The following TGFBR2 variants were observed in gnomAD, a reference collection of about 807,000 sequenced individuals.
TGFBR2 encodes transforming growth factor beta receptor 2, also known as TGF-beta receptor type-2.
In TGFBR2, 18 loss-of-function variants were observed where a neutral mutation model predicts 49.0. The ratio of observed to expected loss-of-function variants is 0.37; its 90% CI spans 0.25 to 0.54. The LOEUF (loss-of-function observed/expected upper bound fraction) is 0.54. TGFBR2 is among the 20% of genes least tolerant of loss of function. TGFBR2 has a pLI of 0.85. For missense variants in TGFBR2, 525 were observed against 722.6 expected (o/e 0.73, Z 3.13); for synonymous variants, 282 against 275.9 (o/e 1.02, Z -0.22).
intron 1 of TGFBR2, among the ~76,000 whole-genome samples, chr3:30,634,916 G>T (rs543759728): frequency 6.6e-6 from 1 of 152,250 alleles, no homozygotes; most frequent in East Asian, 1.9e-4. Flanking sequence ...GCATTTATAT[G>T]GCTTAACTTT....
intron 1 of TGFBR2, among the ~76,000 whole-genome samples, chr3:30,614,936 C>T (rs1698103381): frequency 6.6e-6 from 1 of 152,064 alleles, no homozygotes; most frequent in Non-Finnish European, 1.5e-5. Context: ...TAATAATATC[C>T]AACATTTTTC....
chr3:30,682,105 C>T (rs1051755092), intron 5 of TGFBR2, among the ~76,000 whole-genome samples: 2 of 152,206 alleles, frequency 1.3e-5, no homozygotes, highest in African/African-American at 2.4e-5. Context: ...TCCAGCCCTT[C>T]TGCCTGTTCC....
Position 30,606,883 on chromosome 3 carries a change from C to T in TGFBR2, c.-1C>T. The T allele has an allele frequency of 6.5e-7, 1 of 1,537,814 alleles. No individual in the cohort carries two copies. Among genetic ancestry groups the T allele is most frequent in the Non-Finnish European group, 8.8e-7 (1 of 1,134,266 alleles). ...GTCTATGACGAGCAGCGGGGTCTGC[C>T]ATGGGTCGGGGGCTGCTCAGGGGCC... is the stretch of plus-strand genomic sequence containing the variant. On this transcript the variant is annotated 5_prime_UTR_variant, in exon 1 of 7. Transcript: ENST00000295754.
At chr3:30,649,028 C>G (rs756378421) in intron 2 of TGFBR2, among the ~76,000 whole-genome samples, 1 of 152,012 alleles carries the variant, frequency 6.6e-6, no homozygotes, top group African/African-American at 2.4e-5. Context: ...GAGCAGTGAG[C>G]CTTTGTGCAT....
chr3:30,661,723 A>G, intron 3 of TGFBR2: 2 of 384,424 alleles, frequency 5.2e-6, no homozygotes, highest in South Asian at 3.8e-5. Flanking sequence ...CAGGAGCCTT[A>G]AACTCCACTT....
intron 3 of TGFBR2, among the ~76,000 whole-genome samples, chr3:30,654,821 A>G (rs1698964513): frequency 6.6e-6 from 1 of 152,226 alleles, no homozygotes; most frequent in Non-Finnish European, 1.5e-5. Flanking sequence ...TTGATCTCTC[A>G]CTGAACCTGT....
Position 30,606,956 on chromosome 3 carries a change from C to T in TGFBR2, c.73C>T (p.Pro25Ser), listed in dbSNP as rs1410470306. 6.2e-7 allele frequency: 1 copy of T among 1,601,914 alleles called. No individual in the cohort carries two copies. The highest frequency in any genetic ancestry group is 8.5e-7 in the Non-Finnish European group (1 of 1,174,616). The change falls in exon 1 of 7, where the codon CCA becomes TCA. Residue 25 changes from proline to serine, a missense_variant. Coordinates refer to ENST00000295754, the MANE Select transcript of TGFBR2 (RefSeq NM_003242.6). ...GTGGACGCGTATCGCCAGCACGATC[C>T]CACCGCACGTTCAGAAGTCGGGTGA... is the stretch of plus-strand genomic sequence containing the variant. ...VLWTRIASTI[P>S]PHVQKSVNND...
chr3:30,617,579 G>C (rs1208063232), intron 1 of TGFBR2, among the ~76,000 whole-genome samples: 1 of 151,620 alleles, frequency 6.6e-6, no homozygotes, highest in Non-Finnish European at 1.5e-5. Flanking sequence ...TATTCTCTTA[G>C]GCCTTTGTTC....
At chr3:30,647,205 A>G (rs1429406308) in intron 2 of TGFBR2, among the ~76,000 whole-genome samples, 2 of 152,202 alleles carry the variant, frequency 1.3e-5, no homozygotes, top group Admixed American at 1.3e-4. Context: ...ATGGGTAGCC[A>G]TCATCCCATG....
At chr3:30,620,049 T>A (rs1416451542) in intron 1 of TGFBR2, among the ~76,000 whole-genome samples, 2 of 152,102 alleles carry the variant, frequency 1.3e-5, no homozygotes, top group Non-Finnish European at 2.9e-5. Flanking sequence ...TAGCTGGGCG[T>A]GGTGGCGGGT....
At chr3:30,625,626 A>G (rs894350254) in intron 1 of TGFBR2, among the ~76,000 whole-genome samples, 1 of 152,156 alleles carries the variant, frequency 6.6e-6, no homozygotes, top group Non-Finnish European at 1.5e-5. Context: ...TTAATCTAAA[A>G]TTATTTTTCA....
chr3:30,607,169 G>A (rs940452006), intron 1 of TGFBR2, among the ~76,000 whole-genome samples, 192 bp downstream of exon 1: 2 of 152,200 alleles, frequency 1.3e-5, no homozygotes, highest in Admixed American at 6.5e-5. Flanking sequence ...AAAAAGAGAA[G>A]GAAAGTTCAG....
chr3:30,680,867 T>G (rs927601439), intron 5 of TGFBR2, among the ~76,000 whole-genome samples: 4 of 152,126 alleles, frequency 2.6e-5, no homozygotes, highest in African/African-American at 4.8e-5. Context: ...TGTCCCAGGC[T>G]TTCAGTCTGT....
chr3:30,660,965 C>G (rs1211904024), intron 3 of TGFBR2, among the ~76,000 whole-genome samples: 1 of 152,106 alleles, frequency 6.6e-6, no homozygotes. Flanking sequence ...CCTGGAAAGC[C>G]AGGGAGAGAG....
chr3:30,674,454 G>C (rs985903068), intron 5 of TGFBR2, among the ~76,000 whole-genome samples: 1 of 152,122 alleles, frequency 6.6e-6, no homozygotes, highest in Non-Finnish European at 1.5e-5. Flanking sequence ...ATAAAGCTTT[G>C]TATCTCCTTT....
At chr3:30,666,146 CTATT>C (rs1457019588) in intron 3 of TGFBR2, among the ~76,000 whole-genome samples, 1 of 152,210 alleles carries the variant, frequency 6.6e-6, no homozygotes, top group Admixed American at 6.5e-5. Flanking sequence ...CCACTGAACT[CTATT>C]TATGGAACCC....
intron 5 of TGFBR2, among the ~76,000 whole-genome samples, chr3:30,679,422 G>A (rs1437796908): frequency 3.3e-5 from 5 of 152,190 alleles, no homozygotes; most frequent in Admixed American, 6.5e-5. Context: ...TTTATCAGGT[G>A]AGAAAACATA....
At position 30,653,056 on chromosome 3, in the gene TGFBR2, C is replaced by T. The variant is rs74512715; in HGVS notation, c.454+2596C>T. The stretch of plus-strand genomic sequence containing the variant: ...AGTACAGGAAGCCTTTCACAGCTGA[C>T]GACTCAAATGTCTGGGTGATTTCAG... On this transcript the variant is annotated intron_variant, in intron 3 of 6. Coordinates refer to ENST00000295754, the MANE Select transcript of TGFBR2 (RefSeq NM_003242.6). Among the ~76,000 whole-genome samples the T allele has an allele frequency of 2.9e-3, 448 of 152,148 alleles. 3 individuals are homozygous for T. Among genetic ancestry groups the T allele is most frequent in the African/African-American group, 0.01 (432 of 41,500 alleles).
At chr3:30,673,955 C>A in intron 4 of TGFBR2, 150 bp from the exon 5 acceptor site, 1 of 864,204 alleles carries the variant, frequency 1.2e-6, no homozygotes, top group Non-Finnish European at 1.9e-6. Flanking sequence ...TCTATCTGTA[C>A]CTTTCTGTGC....
Sources: gnomAD v4.1 joint callset for allele counts (sites outside exome capture counted in the v4.1 genomes callset) on GRCh38, gnomAD v4.1.1 for gene constraint, MANE v1.5 for transcripts, NCBI Gene and HGNC (gene_info 2026-07-23, HGNC 2026-07-21) for gene names.